MYH9: variants seen among roughly 807,000 people sequenced by gnomAD.
MYH9 encodes myosin heavy chain 9.
A neutral mutation model predicts 241.9 loss-of-function variants in MYH9; 29 were observed. The observed-to-expected ratio is 0.12, with a 90% CI of 0.09 to 0.16. The LOEUF (loss-of-function observed/expected upper bound fraction) is 0.16, where lower values mean the gene tolerates loss of function less well. Ranked by LOEUF, MYH9 falls within the 10% of genes least tolerant of loss-of-function variation. The probability of loss-of-function intolerance (pLI) is 1.00; values close to 1 mark genes in which losing one functional copy is unlikely to be tolerated. For missense variants in MYH9, 1,803 were observed against 2,595.5 expected, an observed-to-expected ratio of 0.69 and a Z score of 6.63; for synonymous variants, 1,047 against 1,062.6, an observed-to-expected ratio of 0.99 and a Z score of 0.29.
chr22:36,302,077 G>T (rs1292970331), intron 20 of MYH9, among the ~76,000 whole-genome samples: 1 of 152,184 alleles, frequency 6.6e-6, no homozygotes, highest in Non-Finnish European at 1.5e-5. Context: ...AGCTATGGAA[G>T]AATGTATACT....
rs545973267 is a variant in MYH9, at chr22:36,292,249, G to A, written c.4096-15C>T. On this transcript the variant is annotated splice_polypyrimidine_tract_variant and intron_variant, in intron 30 of 40. Coordinates refer to ENST00000216181, the MANE Select transcript of MYH9 (RefSeq NM_002473.6). ...ATGTCGGCCACCTGGGCAGGAGCAAGGAGTAAGCAGATGCCCGAGATGGCA... is the reference window on the plus strand; with the variant it reads ...ATGTCGGCCACCTGGGCAGGAGCAAAGAGTAAGCAGATGCCCGAGATGGCA... The A allele has an allele frequency of 1.9e-5, 31 of 1,613,544 alleles. No individual in the cohort carries two copies. In the South Asian group the frequency reaches 3.1e-4, roughly 16 times the overall value.
At chr22:36,381,063 C>G (rs2018248535) in intron 1 of MYH9, among the ~76,000 whole-genome samples, 1 of 152,130 alleles carries the variant, frequency 6.6e-6, no homozygotes, top group Non-Finnish European at 1.5e-5. Context: ...GTTTCAAGCA[C>G]AAAGACCCTT....
In MYH9 at chr22:36,293,514, A is replaced by C; in HGVS notation, c.3943-33T>G. ...CGGGTTGAGAGGGGTGCGGGTGCTTAGGAGGGTGGTGTCCAAAACCCAGGA... is the reference window on the plus strand; with the variant it reads ...CGGGTTGAGAGGGGTGCGGGTGCTTCGGAGGGTGGTGTCCAAAACCCAGGA... On this transcript the variant is annotated intron_variant, in intron 29 of 40. Transcript: ENST00000216181. The surrounding 1 kb of genome is among the most constrained non-coding windows in gnomAD (Gnocchi z 5.1). 6.2e-7 allele frequency: 1 copy of C among 1,610,116 alleles called. No individual in the cohort carries two copies. The highest frequency in any genetic ancestry group is 8.5e-7 in the Non-Finnish European group (1 of 1,179,920).
chr22:36,306,677 G>GA lies in MYH9; in HGVS notation c.1844-71dup. 6.9e-7 allele frequency: 1 copy of GA among 1,441,166 alleles called. No individual in the cohort carries two copies. The highest frequency in any genetic ancestry group is 9.6e-7 in the Non-Finnish European group (1 of 1,046,334). 89.3% of individuals were successfully genotyped at this position (1,441,166 alleles called of 1,614,324 possible). A position where few individuals can be genotyped will look rare whatever the true frequency, so the allele number is the denominator to read the frequency against. ...CTGGGTGGTGGGGGAGCACGTAGGAGAGAGAGACAGGCACACGTCGGACAG... is the reference window on the plus strand; with the variant it reads ...CTGGGTGGTGGGGGAGCACGTAGGAGAAGAGAGACAGGCACACGTCGGACAG... On this transcript the variant is annotated intron_variant, in intron 15 of 40. Transcript: ENST00000216181. The surrounding 1 kb of genome is among the most constrained non-coding windows in gnomAD (Gnocchi z 4.1).
intron 18 of MYH9, among the ~76,000 whole-genome samples, chr22:36,304,502 C>T (rs546844101): frequency 2.3e-4 from 35 of 152,342 alleles, no homozygotes; most frequent in African/African-American, 7.2e-4. Context: ...CAACAGGATG[C>T]TGGGAAGGGG....
At chr22:36,291,089 C>T (rs1474750363) in intron 31 of MYH9, among the ~76,000 whole-genome samples, 3 of 150,746 alleles carry the variant, frequency 2.0e-5, no homozygotes, top group Non-Finnish European at 4.4e-5. Flanking sequence ...CCAGCCGCCC[C>T]GTCCGGGAGG....
intron 11 of MYH9, 123 bp downstream of exon 11, chr22:36,318,084 C>A (rs768389487): frequency 5.0e-5 from 43 of 861,994 alleles, no homozygotes; most frequent in Non-Finnish European, 7.5e-5. Context: ...AGGACTGCAT[C>A]ATGGAATCAT....
chr22:36,302,732 C>A (rs1603483096), intron 19 of MYH9, 56 bp from the exon 20 acceptor site: 2 of 1,466,498 alleles, frequency 1.4e-6, no homozygotes, highest in African/African-American at 2.8e-5. Context: ...CCCGACCTAA[C>A]AGTCCTGGTC....
chr22:36,297,723 C>T (rs1340618177), intron 24 of MYH9, among the ~76,000 whole-genome samples: 1 of 152,208 alleles, frequency 6.6e-6, no homozygotes, highest in East Asian at 1.9e-4. Context: ...CTGCAGCTGG[C>T]GGGCATGCGG....
At chr22:36,321,527 A>G (rs1469288596) in intron 7 of MYH9, among the ~76,000 whole-genome samples, 1 of 152,182 alleles carries the variant, frequency 6.6e-6, no homozygotes, top group Non-Finnish European at 1.5e-5. Context: ...GGCTTTCAAC[A>G]GCTCCATGCC....
rs764202808 is a variant in MYH9 at position 36,304,035 on chromosome 22, T to C, written c.2350A>G (p.Ile784Val). ...CCCCTGCAGCAGGCCTGGAACCCTA[T>C]GATGACGTCGGTGATCTTCAGGTCT... is the stretch of plus-strand genomic sequence containing the variant. ...ERDLKITDVI[I>V]GFQACCRGYL... The change falls in exon 19 of 41, where the codon ATA (isoleucine) becomes GTA (valine). Residue 784 changes from isoleucine (I) to valine (V), a missense_variant. This residue lies in a region of MYH9 where 72 missense variants were observed against 83.3 expected (regional missense o/e 0.86). Coordinates refer to ENST00000216181, the MANE Select transcript of MYH9 (RefSeq NM_002473.6). 1.9e-6 allele frequency: 3 copies of C among 1,613,770 alleles called. No homozygotes were observed. The highest frequency in any genetic ancestry group is 1.7e-5 in the Admixed American group (1 of 60,022).
chr22:36,286,801 A>T lies in MYH9; in HGVS notation c.4978T>A (p.Ser1660Thr). Residue 1660 changes from serine to threonine, a missense_variant, in exon 35 of 41, where the codon TCT becomes ACT. Physicochemically the swap from Ser to Thr is moderately conservative, Grantham distance 58 (BLOSUM62 1). Coordinates refer to ENST00000216181, the MANE Select transcript of MYH9 (RefSeq NM_002473.6). ...GCCTGGGCCAGGATCTCCTCACGAGAGGCGCGGGTGTCATCCAGCTCGCGC... is the reference window on the plus strand; with the variant it reads ...GCCTGGGCCAGGATCTCCTCACGAGTGGCGCGGGTGTCATCCAGCTCGCGC... ...CMRELDDTRASREEILAQAKE... is the reference protein window; with the variant it reads ...CMRELDDTRATREEILAQAKE... The T allele has an allele frequency of 6.2e-7, 1 of 1,612,112 alleles. No individual in the cohort carries two copies. The highest frequency in any genetic ancestry group is 8.5e-7 in the Non-Finnish European group (1 of 1,180,018).
At chr22:36,299,831 C>CA (rs2016845818) in intron 23 of MYH9, among the ~76,000 whole-genome samples, 1 of 152,208 alleles carries the variant, frequency 6.6e-6, no homozygotes, top group Non-Finnish European at 1.5e-5. Context: ...CCAACACTTG[C>CA]AATGCTGCAC....
Position 36,321,809 on chromosome 22 carries a change from G to C in MYH9, c.718C>G (p.Arg240Gly). Reference protein sequence around the residue: ...DNSSRFGKFIRINFDVNGYIV... With the variant: ...DNSSRFGKFIGINFDVNGYIV... The stretch of plus-strand genomic sequence containing the variant: ...TAGCCATTGACATCAAAGTTGATGC[G>C]AATGAATTTGCCCTAAGTAAGAAAG... The change falls in exon 7 of 41, where the codon CGC (arginine) becomes GGC (glycine). Residue 240 changes from arginine to glycine, a missense_variant. By Grantham distance (125) the Arg-to-Gly change is moderately radical. Around this residue, in one of 11 missense-constraint regions of MYH9, gnomAD observed 222 missense variants for 359.9 expected, o/e 0.62. Coordinates refer to ENST00000216181, the MANE Select transcript of MYH9 (RefSeq NM_002473.6). 6.2e-7 allele frequency: 1 copy of C among 1,614,028 alleles called. No individual in the cohort carries two copies. Among genetic ancestry groups the C allele is most frequent in the Non-Finnish European group, 8.5e-7 (1 of 1,179,882 alleles).
chr22:36,283,656 G>A (rs1295684322), intron 40 of MYH9, among the ~76,000 whole-genome samples: 1 of 151,548 alleles, frequency 6.6e-6, no homozygotes, highest in Admixed American at 6.6e-5. Context: ...AAAAAAACAC[G>A]TAAGAAATGA....
At chr22:36,327,687 G>A (rs1021442545) in intron 3 of MYH9, among the ~76,000 whole-genome samples, 199 bp from the exon 4 acceptor site, 1 of 152,116 alleles carries the variant, frequency 6.6e-6, no homozygotes, top group African/African-American at 2.4e-5. Flanking sequence ...TGCTCCTGCC[G>A]CCCAGGAGCT....
rs765765513 is a variant in MYH9, at chr22:36,301,091, G to T, written c.2632-34C>A. 2.5e-6 allele frequency: 4 copies of T among 1,589,426 alleles called. No individual in the cohort carries two copies. The Admixed American group carries it at 5.1e-5, about 20-fold the overall frequency. ...AACAAGTGGAAAACACAAGCTCCTC[G>T]CAACACCCTCAAGCCACTCCATCCT... On this transcript the variant is annotated intron_variant, in intron 21 of 40. Coordinates refer to ENST00000216181, the MANE Select transcript of MYH9 (RefSeq NM_002473.6).
intron 9 of MYH9, 28 bp from the exon 10 acceptor site, chr22:36,319,663 A>G (rs2017218429): frequency 5.6e-6 from 9 of 1,608,116 alleles, no homozygotes; most frequent in Non-Finnish European, 7.7e-6. Context: ...GGCAGCTCAG[A>G]AGCAGACATG....
intron 40 of MYH9, 108 bp from the exon 41 acceptor site, chr22:36,282,893 T>G (rs540488290): frequency 2.0e-6 from 2 of 990,256 alleles, no homozygotes; most frequent in Non-Finnish European, 3.0e-6. Flanking sequence ...ACCAGGTGCC[T>G]GGCTGCTCCC....
Sources: allele counts gnomAD v4.1 joint callset (sites outside exome capture counted in the v4.1 genomes callset), GRCh38; gene constraint gnomAD v4.1.1; regional missense constraint gnomAD v4.1.1; non-coding constraint Gnocchi (gnomAD v3.1); transcripts MANE v1.5; gene names NCBI Gene and HGNC (gene_info 2026-07-23, HGNC 2026-07-21).